Variants in CSMD1 observed in about 807,000 individuals in gnomAD.
CSMD1 encodes CUB and sushi domain-containing protein 1.
In CSMD1, 213 loss-of-function variants were observed where a neutral mutation model predicts 417.5. That is an observed-to-expected ratio of 0.51 (90% CI 0.46 to 0.57). The LOEUF is 0.57. CSMD1 is among the 20% of genes least tolerant of loss of function. CSMD1 has a pLI of 0.00. For missense variants in CSMD1, 6,923 were observed against 4,529.7 expected, an observed-to-expected ratio of 1.53 and a Z score of -15.17; for synonymous variants, 2,862 against 1,736.8, an observed-to-expected ratio of 1.65 and a Z score of -16.11.
intron 7 of CSMD1, among the ~76,000 whole-genome samples, chr8:3,626,034 T>A (rs1796474567): frequency 6.6e-6 from 1 of 152,180 alleles, no homozygotes; most frequent in Non-Finnish European, 1.5e-5. Flanking sequence ...GTAAATGACC[T>A]TAACAAAATT....
intron 11 of CSMD1, among the ~76,000 whole-genome samples, chr8:3,477,159 G>C (rs534471546): frequency 1.5e-4 from 23 of 152,104 alleles, no homozygotes; most frequent in African/African-American, 3.1e-4. Context: ...TTCTGCATGT[G>C]TCACGAAGCT....
At chr8:4,866,103 T>C (rs1172852209) in intron 1 of CSMD1, among the ~76,000 whole-genome samples, 1 of 152,068 alleles carries the variant, frequency 6.6e-6, no homozygotes, top group Middle Eastern at 3.4e-3. Flanking sequence ...GTAATCCAAC[T>C]GCACTACTAA....
chr8:3,474,218 G>A (rs4875232), intron 11 of CSMD1, among the ~76,000 whole-genome samples: 34,170 of 152,018 alleles, frequency 0.22, 5,146 homozygotes, highest in East Asian at 0.56. Context: ...ATTAGCTAAT[G>A]AGCTGGTTGG....
At chr8:3,182,773 TTAGAGAAGTGGTTTCACC>T in intron 36 of CSMD1, among the ~76,000 whole-genome samples, 1 of 115,292 alleles carries the variant, frequency 8.7e-6, no homozygotes, top group South Asian at 2.7e-4. Context: ...GTGTGTATTG[TTAGAGAAGTGGTTTCACC>T]GTGTTAGCCA....
At chr8:4,909,439 G>C (rs1426126361) in intron 1 of CSMD1, among the ~76,000 whole-genome samples, 1 of 152,144 alleles carries the variant, frequency 6.6e-6, no homozygotes. Flanking sequence ...GAAGGCTAAA[G>C]GGGTCTGTCT....
intron 3 of CSMD1, among the ~76,000 whole-genome samples, chr8:4,389,851 C>A (rs1286266162): frequency 6.6e-6 from 1 of 152,082 alleles, no homozygotes; most frequent in Non-Finnish European, 1.5e-5. Flanking sequence ...ATGAATATTA[C>A]AAACTTTATA....
intron 10 of CSMD1, among the ~76,000 whole-genome samples, chr8:3,497,794 C>T (rs1282988249): frequency 6.6e-6 from 1 of 152,050 alleles, no homozygotes; most frequent in Admixed American, 6.6e-5. Flanking sequence ...TCCTCTATTC[C>T]ATTCTCATTC....
intron 5 of CSMD1, among the ~76,000 whole-genome samples, chr8:3,989,681 A>T (rs1262592391): frequency 6.6e-6 from 1 of 152,230 alleles, no homozygotes. Context: ...CGATACTGTG[A>T]TACTCTAAAG....
chr8:3,623,467 G>A (rs972886560), intron 7 of CSMD1, among the ~76,000 whole-genome samples: 1 of 152,200 alleles, frequency 6.6e-6, no homozygotes, highest in Non-Finnish European at 1.5e-5. Context: ...AAATCAATTA[G>A]TGGAGATAAG....
intron 5 of CSMD1, among the ~76,000 whole-genome samples, chr8:3,922,498 T>G (rs1213211213): frequency 6.6e-6 from 1 of 152,158 alleles, no homozygotes; most frequent in Non-Finnish European, 1.5e-5. Context: ...ATAATTTTTG[T>G]ATTCATAGGC....
At chr8:4,457,172 C>A (rs1445306901) in intron 2 of CSMD1, among the ~76,000 whole-genome samples, 1 of 152,016 alleles carries the variant, frequency 6.6e-6, no homozygotes, top group South Asian at 2.1e-4. Context: ...TTTTACGGAC[C>A]TAGATGTGAA....
chr8:4,435,471 T>A (rs1477895346), intron 2 of CSMD1, among the ~76,000 whole-genome samples: 1 of 152,168 alleles, frequency 6.6e-6, no homozygotes, highest in East Asian at 1.9e-4. Context: ...CCACAGAAAA[T>A]CTTTGGAAGC....
At chr8:3,155,051 CAT>C (rs1336418418) in intron 39 of CSMD1, among the ~76,000 whole-genome samples, 2 of 152,210 alleles carry the variant, frequency 1.3e-5, no homozygotes, top group South Asian at 4.1e-4. Flanking sequence ...ATAACTTAAA[CAT>C]GTGCTAATAT....
chr8:4,032,301 A>C (rs1797389999), intron 3 of CSMD1, among the ~76,000 whole-genome samples: 1 of 152,354 alleles, frequency 6.6e-6, no homozygotes, highest in East Asian at 1.9e-4. Flanking sequence ...TTTTATAAAC[A>C]TCATAAAGTG....
intron 50 of CSMD1, among the ~76,000 whole-genome samples, chr8:3,047,901 T>C (rs1811564293): frequency 2.0e-5 from 3 of 152,212 alleles, no homozygotes; most frequent in African/African-American, 7.2e-5. Context: ...AAGTAGTTTC[T>C]GTTTATGCCG....
intron 37 of CSMD1, among the ~76,000 whole-genome samples, chr8:3,172,582 G>C (rs1029794259): frequency 2.0e-5 from 3 of 152,120 alleles, no homozygotes; most frequent in Non-Finnish European, 4.4e-5. Context: ...GAGTCAAGAG[G>C]GCAGGGCGAG....
intron 1 of CSMD1, among the ~76,000 whole-genome samples, chr8:4,648,595 G>A (rs1427560812): frequency 6.6e-6 from 1 of 151,132 alleles, no homozygotes; most frequent in Admixed American, 6.6e-5. Flanking sequence ...ATTTTTTTTT[G>A]CACAGTGGCT....
chr8:3,429,095 G>A (rs551630462), intron 12 of CSMD1, among the ~76,000 whole-genome samples: 5 of 152,216 alleles, frequency 3.3e-5, no homozygotes, highest in African/African-American at 1.2e-4. Flanking sequence ...TCAGGTAGAA[G>A]TAAGAAGTTC....
intron 12 of CSMD1, among the ~76,000 whole-genome samples, chr8:3,416,118 G>T (rs919786799): frequency 6.6e-6 from 1 of 151,784 alleles, no homozygotes; most frequent in Non-Finnish European, 1.5e-5. Context: ...TGGATAACAT[G>T]GTGAAACCCC....
Sources: allele counts gnomAD v4.1 joint callset (sites outside exome capture counted in the v4.1 genomes callset), GRCh38; gene constraint gnomAD v4.1.1; transcripts MANE v1.5; gene names NCBI Gene and HGNC (gene_info 2026-07-23, HGNC 2026-07-21).